The following MYO19 variants were observed in gnomAD, a reference collection of about 807,000 sequenced individuals.
The protein encoded by MYO19 is myosin XIX, also known as unconventional myosin-XIX.
In MYO19, 132 loss-of-function variants were observed where a neutral mutation model predicts 129.2. The ratio of observed to expected loss-of-function variants is 1.02; its 90% CI spans 0.89 to 1.18. MYO19 has a LOEUF of 1.18. Ranked by LOEUF, MYO19 falls within the 50% of genes most tolerant of loss-of-function variation. MYO19 has a pLI of 0.00. For synonymous variants in MYO19, 531 were observed against 477.2 expected (o/e 1.11, Z -1.47); for missense variants, 1,210 against 1,216.7 (o/e 0.99, Z 0.08).
At chr17:36,504,152 G>C in intron 19 of MYO19, 132 bp from the exon 20 acceptor site, 1 of 620,348 alleles carries the variant, frequency 1.6e-6, no homozygotes, top group African/African-American at 1.9e-5. Context: ...TTGGCTAATG[G>C]GGGTATCTCC....
intron 6 of MYO19, among the ~76,000 whole-genome samples, chr17:36,517,784 A>G (rs548708330): frequency 6.6e-6 from 1 of 152,160 alleles, no homozygotes; most frequent in South Asian, 2.1e-4. Flanking sequence ...TCGGGAGGTA[A>G]TTAAGATTAA....
chr17:36,540,930 G>A (rs2074194269), intron 2 of MYO19, among the ~76,000 whole-genome samples: 1 of 152,152 alleles, frequency 6.6e-6, no homozygotes, highest in Non-Finnish European at 1.5e-5. Flanking sequence ...GGAGTAAGAA[G>A]AACATAATCT....
upstream of MYO19, among the ~76,000 whole-genome samples, chr17:36,536,704 G>C (rs573810422): frequency 3.3e-5 from 5 of 151,628 alleles, no homozygotes; most frequent in African/African-American, 4.9e-5. Context: ...TAGTAGAGAC[G>C]GGCTTTCACC....
In MYO19 at chr17:36,527,600, A is replaced by G. The variant is rs1253211045; in HGVS notation, c.251T>C (p.Leu84Pro). The G allele has an allele frequency of 1.2e-6, 2 of 1,613,878 alleles. No homozygotes were observed. Among genetic ancestry groups the G allele is most frequent in the Non-Finnish European group, 8.5e-7 (1 of 1,179,904 alleles). Residue 84 changes from leucine (L) to proline (P), a missense_variant, in exon 5 of 26, where the codon CTC (leucine) becomes CCC (proline). Coordinates refer to ENST00000614623, the MANE Select transcript of MYO19 (RefSeq NM_001163735.2). The stretch of plus-strand genomic sequence containing the variant: ...CTCTCTCATTAGCTCGGGCGAGTAG[A>G]GCTGAGGAACAGGCTTGAAGGGGTT... ...ALNPFKPVPQ[L>P]YSPELMREYH...
chr17:36,506,906 G>A, intron 17 of MYO19, 57 bp downstream of exon 17: 1 of 1,471,174 alleles, frequency 6.8e-7, no homozygotes. Context: ...TGTCTGCATA[G>A]CAAAGACCCA....
At chr17:36,496,921 C>T (rs1291258613) in intron 25 of MYO19, among the ~76,000 whole-genome samples, 4 of 152,216 alleles carry the variant, frequency 2.6e-5, no homozygotes, top group Non-Finnish European at 5.9e-5. Context: ...GTGCAACATA[C>T]TTTCACCTTT....
intron 2 of MYO19, among the ~76,000 whole-genome samples, chr17:36,541,171 T>C (rs925856726): frequency 2.6e-5 from 4 of 151,578 alleles, no homozygotes; most frequent in Non-Finnish European, 5.9e-5. Flanking sequence ...GGTCTGGATC[T>C]CCTGACCTCG....
Position 36,495,779 on chromosome 17 carries a change from T to C in MYO19, c.*472A>G. The C allele has an allele frequency of 8.1e-7, 1 of 1,238,318 alleles. No individual in the cohort carries two copies. The highest frequency in any genetic ancestry group is 1.0e-6 in the Non-Finnish European group (1 of 992,474). 76.7% of individuals were successfully genotyped at this position (1,238,318 alleles called of 1,614,324 possible). On this transcript the variant is annotated 3_prime_UTR_variant, in exon 26 of 26. Coordinates refer to ENST00000614623, the MANE Select transcript of MYO19 (RefSeq NM_001163735.2). ...GTACATTGCATTATTCATAATTTAA[T>C]TGTTTGAAATTACATTAAATAAATC...
intron 23 of MYO19, 183 bp downstream of exon 23, chr17:36,500,647 A>G (rs564256735): frequency 1.3e-6 from 1 of 797,144 alleles, no homozygotes; most frequent in Non-Finnish European, 1.9e-6. Flanking sequence ...CTTGGTTTCC[A>G]TTGAACTGGA....
intron 2 of MYO19, among the ~76,000 whole-genome samples, chr17:36,540,193 ATT>A (rs1241607441): frequency 6.6e-6 from 1 of 152,074 alleles, no homozygotes; most frequent in Non-Finnish European, 1.5e-5. Context: ...ACCCAGTGTA[ATT>A]TAATAAAACT....
chr17:36,499,227 C>A, intron 23 of MYO19, 67 bp from the exon 24 acceptor site: 1 of 1,154,642 alleles, frequency 8.7e-7, no homozygotes, highest in Non-Finnish European at 1.3e-6. Flanking sequence ...AGTGACCTCG[C>A]TGCAGCAGCA....
chr17:36,506,530 G>A lies in MYO19; in HGVS notation c.1723C>T (p.Pro575Ser). 6.2e-7 allele frequency: 1 copy of A among 1,601,262 alleles called. No homozygotes were observed. The highest frequency in any genetic ancestry group is 8.5e-7 in the Non-Finnish European group (1 of 1,175,658). Reference sequence around the variant, plus strand: ...GGTTCCTCCTGGGTCTTCTCTTTGGGGTTAGTAGGAAACAGCCCCATGAGC... The same window carrying A: ...GGTTCCTCCTGGGTCTTCTCTTTGGAGTTAGTAGGAAACAGCCCCATGAGC... ...PLLMGLFPTN[P>S]KEKTQEEPPG... is the part of the protein sequence containing the mutation. The change falls in exon 18 of 26, where the codon CCC becomes TCC. Residue 575 changes from proline to serine, a missense_variant. Physicochemically the swap from Pro to Ser is moderately conservative, Grantham distance 74 (BLOSUM62 -1). Transcript: ENST00000614623.
intron 6 of MYO19, among the ~76,000 whole-genome samples, chr17:36,518,116 ATGT>A (rs1286942210): frequency 1.3e-5 from 2 of 150,836 alleles, no homozygotes; most frequent in African/African-American, 4.9e-5. Context: ...GGTAATGAAG[ATGT>A]TGTGCTTTCA....
intron 11 of MYO19, chr17:36,512,981 G>T: frequency 1.4e-6 from 1 of 738,540 alleles, no homozygotes; most frequent in Non-Finnish European, 1.8e-6. Context: ...ACCACTTAGT[G>T]GTATCTGACC....
intron 7 of MYO19, among the ~76,000 whole-genome samples, chr17:36,515,474 G>C (rs1470270748): frequency 2.0e-5 from 3 of 152,166 alleles, no homozygotes; most frequent in African/African-American, 7.2e-5. Flanking sequence ...TGTCACTACT[G>C]ACTTTAGACA....
Position 36,499,071 on chromosome 17 carries a change from T to TTAC in MYO19, c.2463+1_2463+3dup. 1 of 1,604,174 alleles carries TTAC rather than the reference T, an allele frequency of 6.2e-7. No individual in the cohort carries two copies. Among genetic ancestry groups the TTAC allele is most frequent in the Non-Finnish European group, 8.5e-7 (1 of 1,174,566 alleles). On this transcript the variant is annotated splice_donor_region_variant and intron_variant, in intron 24 of 25. Transcript: ENST00000614623. ...CCCACCCCGACTTCTTGGGTCTTAC[T>TTAC]TACTCTCCACTTCTGCCATGCACGC...
At chr17:36,544,759 C>G (rs1203546784), upstream of MYO19, 1 of 154,310 alleles carries the variant, frequency 6.5e-6, no homozygotes, top group Admixed American at 6.5e-5. Flanking sequence ...GCCGGGCCCA[C>G]GGGCGGGACG....
chr17:36,532,419 G>T, intron 3 of MYO19, 108 bp downstream of exon 3: 1 of 1,307,854 alleles, frequency 7.6e-7, no homozygotes, highest in African/African-American at 1.5e-5. Flanking sequence ...GACAATTTGA[G>T]GAGAGAAAAG....
In MYO19 at chr17:36,515,183, C is replaced by T. The variant is rs1463116951; in HGVS notation, c.548-1G>A. The T allele has an allele frequency of 6.2e-7, 1 of 1,612,396 alleles. No individual in the cohort carries two copies. Among genetic ancestry groups the T allele is most frequent in the South Asian group, 1.1e-5 (1 of 90,544 alleles). On this transcript the variant is annotated splice_acceptor_variant, in intron 7 of 25. Coordinates refer to ENST00000614623, the MANE Select transcript of MYO19 (RefSeq NM_001163735.2). LOFTEE classifies it high-confidence loss of function. ...TTATTCCTCAGTGTACACGCATTCC[C>T]TACAGATCACACCTATGTTTATTTC...
Sources: allele counts gnomAD v4.1 joint callset (sites outside exome capture counted in the v4.1 genomes callset), GRCh38; gene constraint gnomAD v4.1.1; transcripts MANE v1.5; gene names NCBI Gene and HGNC (gene_info 2026-07-23, HGNC 2026-07-21).